The following CPXM2 variants were observed in gnomAD, a reference collection of about 807,000 sequenced individuals.
CPXM2 encodes the protein carboxypeptidase X, M14 family member 2.
In CPXM2, 66 loss-of-function variants were observed where a neutral mutation model predicts 86.1. That is an observed-to-expected ratio of 0.77 (90% CI 0.63 to 0.94). The LOEUF (loss-of-function observed/expected upper bound fraction) is 0.94, where lower values mean the gene tolerates loss of function less well. Among genes scored for constraint, CPXM2 ranks in the 40% least tolerant of loss-of-function variants. CPXM2 has a pLI of 0.00. For missense variants in CPXM2, 948 were observed against 1,026.3 expected, an observed-to-expected ratio of 0.92 and a Z score of 1.04; for synonymous variants, 388 against 400.2, an observed-to-expected ratio of 0.97 and a Z score of 0.36.
intron 2 of CPXM2, among the ~76,000 whole-genome samples, chr10:123,870,930 T>C (rs111690168): frequency 6.6e-6 from 1 of 152,284 alleles, no homozygotes; most frequent in African/African-American, 2.4e-5. Flanking sequence ...CCTGCAAACC[T>C]GGCTGGGGTC....
chr10:123,927,733 T>C (rs1945636007), intron 2 of CPXM2, among the ~76,000 whole-genome samples: 1 of 152,246 alleles, frequency 6.6e-6, no homozygotes, highest in Non-Finnish European at 1.5e-5. Flanking sequence ...AAGTAACTGC[T>C]TGTGCAATCA....
intron 4 of CPXM2, among the ~76,000 whole-genome samples, chr10:123,837,875 C>T (rs1366742422): frequency 1.1e-4 from 16 of 152,152 alleles, no homozygotes; most frequent in East Asian, 1.9e-4. Context: ...GTCAGGACTG[C>T]GGTGGCTGAG....
rs1020839639 is a variant in CPXM2 at position 123,891,073 on chromosome 10, A to G, written c.304+283T>C. On this transcript the variant is annotated intron_variant, in intron 1 of 13. Transcript: ENST00000241305. This position sits in a 1 kb window ranked among gnomAD's most constrained non-coding sequence, Gnocchi z 5.6. ...CTCAGGGGATTTCAAGCTTGAAACA[A>G]GAACTTTGACTCTCATAGGCAGCCT... Among the ~76,000 whole-genome samples the G allele has an allele frequency of 6.6e-6, 1 of 152,244 alleles. No individual in the cohort carries two copies. Among genetic ancestry groups the G allele is most frequent in the Non-Finnish European group, 1.5e-5 (1 of 68,042 alleles).
chr10:123,852,824 GC>G (rs1318996034), intron 3 of CPXM2, among the ~76,000 whole-genome samples: 2 of 152,130 alleles, frequency 1.3e-5, no homozygotes, highest in Admixed American at 6.5e-5. Flanking sequence ...AAAAGCAGCT[GC>G]CACCTTCCCA....
intron 2 of CPXM2, among the ~76,000 whole-genome samples, chr10:123,924,537 T>C (rs1949431): frequency 0.74 from 112,624 of 152,096 alleles, 41,918 homozygotes; most frequent in East Asian, 0.94. Context: ...AGTGGAGGAG[T>C]TTCTGTTCTC....
chr10:123,825,360 G>A (rs1472934868), intron 4 of CPXM2, among the ~76,000 whole-genome samples: 3 of 152,190 alleles, frequency 2.0e-5, no homozygotes, highest in African/African-American at 7.2e-5. Context: ...ACAGCAAATG[G>A]AAGAAGACAT....
intron 1 of CPXM2, among the ~76,000 whole-genome samples, chr10:123,890,875 G>A (rs1945255156): frequency 1.3e-5 from 2 of 152,188 alleles, no homozygotes; most frequent in Non-Finnish European, 2.9e-5. Flanking sequence ...GAGTGGGAAG[G>A]AGGGAGCTGA....
At chr10:123,831,244 T>C (rs1458995644) in intron 4 of CPXM2, among the ~76,000 whole-genome samples, 1 of 152,026 alleles carries the variant, frequency 6.6e-6, no homozygotes, top group African/African-American at 2.4e-5. Flanking sequence ...AGTACCAAGG[T>C]ACTGAAAGCC....
At chr10:123,849,377 C>T in intron 3 of CPXM2, among the ~76,000 whole-genome samples, 1 of 151,818 alleles carries the variant, frequency 6.6e-6, no homozygotes, top group Non-Finnish European at 1.5e-5. Flanking sequence ...GCTGCCTCTC[C>T]TCCTTCCCCT....
At chr10:123,790,161 C>A (rs115402157) in intron 6 of CPXM2, among the ~76,000 whole-genome samples, 1 of 152,072 alleles carries the variant, frequency 6.6e-6, no homozygotes, top group African/African-American at 2.4e-5. Flanking sequence ...AGCAGGGGTG[C>A]GAGCCGGAGT....
chr10:123,831,015 T>C (rs1420934757), intron 4 of CPXM2, among the ~76,000 whole-genome samples: 8 of 152,142 alleles, frequency 5.3e-5, no homozygotes, highest in Admixed American at 5.2e-4. Flanking sequence ...TGTTGATTTA[T>C]TGGATTTTTC....
intron 2 of CPXM2, among the ~76,000 whole-genome samples, chr10:123,908,777 C>A (rs1945465381): frequency 6.6e-6 from 1 of 152,172 alleles, no homozygotes; most frequent in African/African-American, 2.4e-5. Flanking sequence ...CAGAAGGGCA[C>A]TGGAGACCTT....
chr10:123,897,399 T>C (rs1945346764), intron 2 of CPXM2, among the ~76,000 whole-genome samples: 1 of 152,204 alleles, frequency 6.6e-6, no homozygotes, highest in African/African-American at 2.4e-5. Context: ...GCTAAGTCTC[T>C]TGCTGAAGGT....
Position 123,797,991 on chromosome 10 carries a change from C to T in CPXM2, c.874G>A (p.Gly292Ser). 1.2e-6 allele frequency: 2 copies of T among 1,606,530 alleles called. No individual in the cohort carries two copies. Among genetic ancestry groups the T allele is most frequent in the Non-Finnish European group, 1.7e-6 (2 of 1,176,386 alleles). ...GSICMRMEILGCPLPDPNNYY... is the reference protein window; with the variant it reads ...GSICMRMEILSCPLPDPNNYY... ...GTGAACTCACCTGGCAGTGGGCAGCCCAGGATCTCCATTCTCATGCAGATG... is the reference window on the plus strand; with the variant it reads ...GTGAACTCACCTGGCAGTGGGCAGCTCAGGATCTCCATTCTCATGCAGATG... Residue 292 changes from glycine (G) to serine (S), a missense_variant, in exon 6 of 14, where the codon GGC (glycine) becomes AGC (serine). Physicochemically the swap from Gly to Ser is moderately conservative, Grantham distance 56. Coordinates refer to ENST00000241305, the MANE Select transcript of CPXM2 (RefSeq NM_198148.3).
chr10:123,805,047 T>G (rs1178644873), intron 4 of CPXM2, among the ~76,000 whole-genome samples: 2 of 152,134 alleles, frequency 1.3e-5, no homozygotes, highest in East Asian at 3.9e-4. Flanking sequence ...CTCAGAGTTC[T>G]AAGAGGACAT....
intron 2 of CPXM2, among the ~76,000 whole-genome samples, chr10:123,902,702 A>G (rs774850372): frequency 4.6e-5 from 7 of 152,156 alleles, no homozygotes; most frequent in Non-Finnish European, 8.8e-5. Flanking sequence ...CTCCTCCCTC[A>G]TGACTTAATC....
chr10:123,906,746 C>T (rs1260057074), intron 2 of CPXM2, among the ~76,000 whole-genome samples: 1 of 152,210 alleles, frequency 6.6e-6, no homozygotes, highest in African/African-American at 2.4e-5. Context: ...CAAGAAACTT[C>T]TCACATGGCC....
intron 4 of CPXM2, among the ~76,000 whole-genome samples, chr10:123,805,758 A>G (rs1041904819): frequency 6.6e-6 from 1 of 152,212 alleles, no homozygotes. Context: ...AAAAAATCAC[A>G]AAATAATCAG....
chr10:123,845,724 AG>A (rs1848481285), intron 3 of CPXM2, among the ~76,000 whole-genome samples: 1 of 152,208 alleles, frequency 6.6e-6, no homozygotes, highest in Non-Finnish European at 1.5e-5. Context: ...GTAAGAATCT[AG>A]TACACATAAT....
Sources: allele counts gnomAD v4.1 joint callset (sites outside exome capture counted in the v4.1 genomes callset), GRCh38; gene constraint gnomAD v4.1.1; non-coding constraint Gnocchi (gnomAD v3.1); transcripts MANE v1.5; gene names NCBI Gene and HGNC (gene_info 2026-07-23, HGNC 2026-07-21).